The following VILL variants were observed in gnomAD, a reference collection of about 807,000 sequenced individuals.
The protein encoded by VILL is villin like, also known as villin-like protein.
VILL carries 102 observed loss-of-function variants against 106.3 expected under a neutral mutation model. That is an observed-to-expected ratio of 0.96 (90% CI 0.82 to 1.13). The LOEUF is 1.13. VILL is among the 50% of genes most tolerant of loss of function. The pLI, the probability that VILL is intolerant of heterozygous loss-of-function variation, is 0.00. For missense variants in VILL, 1,076 were observed against 1,116.6 expected (o/e 0.96, Z 0.52); for synonymous variants, 431 against 440.3 (o/e 0.98, Z 0.27).
In VILL at chr3:37,993,711, C is replaced by A; in HGVS notation, c.39C>A (p.Gly13=). The change falls in exon 2 of 20, where the codon GGC becomes GGA. Residue 13 remains glycine (G), a synonymous_variant. Coordinates refer to ENST00000383759, the MANE Select transcript of VILL (RefSeq NM_015873.4). The part of the protein sequence containing the change: ...ISKGLPGMQG[G]LHIWISENRK... ...AGGGCCTCCCAGGCATGCAGGGAGG[C>A]CTCCACATATGGATCTCTGAGGTGA... 5.6e-6 allele frequency: 9 copies of A among 1,614,126 alleles called. No homozygotes were observed. Among genetic ancestry groups the A allele is most frequent in the Non-Finnish European group, 6.8e-6 (8 of 1,179,996 alleles).
Position 37,998,829 on chromosome 3 carries a change from G to C in VILL, c.943-83G>C, listed in dbSNP as rs1215841465. 1 of 1,516,922 alleles carries C rather than the reference G, an allele frequency of 6.6e-7. No homozygotes were observed. Among genetic ancestry groups the C allele is most frequent in the Admixed American group, 2.1e-5 (1 of 48,516 alleles). The allele number at this position is 1,516,922 out of a possible 1,614,324, so 94.0% of individuals were successfully genotyped here. The stretch of plus-strand genomic sequence containing the variant: ...AATTAACGCTTCTTGGAGCTCGGCT[G>C]TCCCAGAGCGGTAGGTCCCCAGGAG... On this transcript the variant is annotated intron_variant, in intron 9 of 19. Transcript: ENST00000383759. The surrounding 1 kb of genome is among the most constrained non-coding windows in gnomAD (Gnocchi z 4.1).
upstream of VILL, among the ~76,000 whole-genome samples, chr3:37,990,117 G>A (rs1699591595): frequency 2.0e-5 from 3 of 152,210 alleles, no homozygotes; most frequent in Non-Finnish European, 2.9e-5. The surrounding 1 kb of genome is among the most constrained non-coding windows in gnomAD (Gnocchi z 5.1). Flanking sequence ...GTTTCTGGAA[G>A]GCTCTGTTTG....
rs759662615 is a variant in VILL at position 37,997,236 on chromosome 3, T to C, written c.561+49T>C. ...GGGAGTACGGGGCTTGGGCGGGGAA[T>C]GATCCTCCAGTTGACCATCCTCCGG... On this transcript the variant is annotated intron_variant, in intron 6 of 19. Coordinates refer to ENST00000383759, the MANE Select transcript of VILL (RefSeq NM_015873.4). The surrounding 1 kb of genome is among the most constrained non-coding windows in gnomAD (Gnocchi z 4.7). 2.0e-5 allele frequency: 31 copies of C among 1,581,530 alleles called. No individual in the cohort carries two copies. Among genetic ancestry groups the C allele is most frequent in the Non-Finnish European group, 1.7e-6 (2 of 1,151,780 alleles).
At position 37,999,047 on chromosome 3, in the gene VILL, A is replaced by C. The variant is rs748905788; in HGVS notation, c.1078A>C (p.Arg360=). The C allele has an allele frequency of 1.2e-6, 1 of 813,358 alleles. No homozygotes were observed. Among genetic ancestry groups the C allele is most frequent in the South Asian group, 2.0e-5 (1 of 49,308 alleles). 50.4% of individuals were successfully genotyped at this position (813,358 alleles called of 1,614,324 possible). A position where few individuals can be genotyped will look rare whatever the true frequency, so the allele number is the denominator to read the frequency against. Residue 360 remains arginine (R), a synonymous_variant, in exon 10 of 20, where the codon AGG becomes CGG. Coordinates refer to ENST00000383759, the MANE Select transcript of VILL (RefSeq NM_015873.4). ...GCGCAGGAACCAGAAGCTCGGCGGG[A>C]GGGGTGAGCGGGCGGGGCGGGGCTG... ...KRRRNQKLGG[R]DKSIHVKLDV...
rs201921801 is a variant in VILL at position 38,002,575 on chromosome 3, G to C, written c.1659G>C (p.Lys553Asn). ...TASVCYLWFGKGCNGDQREMA... is the reference protein window; with the variant it reads ...TASVCYLWFGNGCNGDQREMA... ...GCGTCTGCTACCTCTGGTTTGGGAA[G>C]GTACCCACAGCACTGACCACTTGAT... The change falls in exon 14 of 20, where the codon AAG becomes AAC. Residue 553 changes from lysine (K) to asparagine (N), a missense_variant and splice_region_variant. Physicochemically the swap from Lys to Asn is moderately conservative, Grantham distance 94. Coordinates refer to ENST00000383759, the MANE Select transcript of VILL (RefSeq NM_015873.4). The C allele has an allele frequency of 6.2e-7, 1 of 1,612,298 alleles. No individual in the cohort carries two copies. Among genetic ancestry groups the C allele is most frequent in the Non-Finnish European group, 8.5e-7 (1 of 1,178,944 alleles).
intron 16 of VILL, among the ~76,000 whole-genome samples, chr3:38,004,724 G>A (rs927256023): frequency 3.3e-5 from 5 of 152,186 alleles, no homozygotes; most frequent in East Asian, 1.9e-4. Flanking sequence ...AGCATGTGTC[G>A]GTGCTGCATG....
rs750064258 is a variant in VILL at position 37,998,343 on chromosome 3, G to C, written c.921G>C (p.Lys307Asn). Residue 307 changes from lysine to asparagine, a missense_variant, in exon 9 of 20, where the codon AAG becomes AAC. Coordinates refer to ENST00000383759, the MANE Select transcript of VILL (RefSeq NM_015873.4). This position sits in a 1 kb window ranked among gnomAD's most constrained non-coding sequence, Gnocchi z 4.1. Reference protein sequence around the residue: ...QGRMSSLQERKAAFSRAVGFI... With the variant: ...QGRMSSLQERNAAFSRAVGFI... ...GCATGTCTAGCCTCCAGGAGAGAAA[G>C]GCTGCCTTCAGCCGGGCTGTGGTGA... is the stretch of plus-strand genomic sequence containing the variant. 41 of 1,614,050 alleles carry C rather than the reference G, an allele frequency of 2.5e-5. No homozygotes were observed. Among genetic ancestry groups the C allele is most frequent in the Non-Finnish European group, 3.3e-5 (39 of 1,180,016 alleles).
chr3:38,000,952 TG>T (rs770594341), intron 11 of VILL: 5 of 457,164 alleles, frequency 1.1e-5, no homozygotes, highest in Non-Finnish European at 2.2e-5. Context: ...AGAGTCCGCC[TG>T]GCTCCAGGCT....
intron 11 of VILL, chr3:38,001,069 G>T: frequency 2.1e-6 from 1 of 480,554 alleles, no homozygotes. Flanking sequence ...GGATAAAAGG[G>T]AATTCATTCA....
rs1227361133 is a variant in VILL, at chr3:38,006,586, CA to C, written c.2344del (p.Ser782AlafsTer20). On this transcript the variant is annotated frameshift_variant, in exon 19 of 20. Coordinates refer to ENST00000383759, the MANE Select transcript of VILL (RefSeq NM_015873.4). LOFTEE classifies it high-confidence loss of function. ...GCCCCAAGTCGGCTGGCAGCAGAAC[CA>C]GCAGCTCCGTCAGCAGCACCAGCGC... is the stretch of plus-strand genomic sequence containing the variant. ...RSPKSAGSRTSSSVSSTSATI... is the reference protein window; with the variant it reads ...RSPKSAGSRTXSSVSSTSATI... 6.2e-7 allele frequency: 1 copy of C among 1,614,012 alleles called. No homozygotes were observed. The highest frequency in any genetic ancestry group is 1.3e-5 in the African/African-American group (1 of 74,946).
At chr3:38,006,156 A>G in intron 17 of VILL, 25 bp from the exon 18 acceptor site, 1 of 1,614,048 alleles carries the variant, frequency 6.2e-7, no homozygotes, top group South Asian at 1.1e-5. Flanking sequence ...CCTGGCCCTG[A>G]TACTTGCCCC....
Position 37,994,266 on chromosome 3 carries a change from C to G in VILL, c.141C>G (p.Pro47=). The stretch of plus-strand genomic sequence containing the variant: ...CACAAACACCCGGACCCTAGGTCCC[C>G]CAGAGCCCGAAGGCCACGCAGGGGG... ...EEHCYVILHV[P]QSPKATQGAS... Residue 47 remains proline (P), a synonymous_variant, in exon 4 of 20, where the codon CCC becomes CCG. Coordinates refer to ENST00000383759, the MANE Select transcript of VILL (RefSeq NM_015873.4). 6.2e-7 allele frequency: 1 copy of G among 1,607,444 alleles called. No homozygotes were observed. The highest frequency in any genetic ancestry group is 8.5e-7 in the Non-Finnish European group (1 of 1,178,882).
rs138349730 is a variant in VILL at position 38,006,507 on chromosome 3, C to G, written c.2264C>G (p.Ala755Gly). The stretch of plus-strand genomic sequence containing the variant: ...GGCAATGGCAGGGCAGGTGCCGTGG[C>G]CCTGCAGGCCCTCAAGGGCTCCCAG... ...WPGNGRAGAV[A>G]LQALKGSQDS... The change falls in exon 19 of 20, where the codon GCC (alanine) becomes GGC (glycine). Residue 755 changes from alanine to glycine, a missense_variant. Coordinates refer to ENST00000383759, the MANE Select transcript of VILL (RefSeq NM_015873.4). 122 of 1,611,024 alleles carry G rather than the reference C, an allele frequency of 7.6e-5. No individual in the cohort carries two copies. The African/African-American group carries it at 1.3e-3, about 17-fold the overall frequency.
At chr3:38,001,409 G>T in intron 11 of VILL, 47 bp from the exon 12 acceptor site, 1 of 1,604,778 alleles carries the variant, frequency 6.2e-7, no homozygotes, top group East Asian at 2.2e-5. Flanking sequence ...GGGTGGGCTG[G>T]TTCAGGAAGA....
upstream of VILL, among the ~76,000 whole-genome samples, chr3:37,990,140 C>T (rs1016817440): frequency 1.3e-5 from 2 of 152,190 alleles, no homozygotes; most frequent in Non-Finnish European, 2.9e-5. This position sits in a 1 kb window ranked among gnomAD's most constrained non-coding sequence, Gnocchi z 5.1. Flanking sequence ...GCCCCTCCAC[C>T]CCACAGTGAG....
chr3:38,006,499 TGCCGTG>T lies in VILL; in HGVS notation c.2260_2265del (p.Val754_Ala755del). 1 of 1,609,428 alleles carries T rather than the reference TGCCGTG, an allele frequency of 6.2e-7. No homozygotes were observed. The highest frequency in any genetic ancestry group is 1.1e-5 in the South Asian group (1 of 90,888). The stretch of plus-strand genomic sequence containing the variant: ...GATGGCCGGGCAATGGCAGGGCAGG[TGCCGTG>T]GCCCTGCAGGCCCTCAAGGGCTCCC... On this transcript the variant is annotated inframe_deletion, in exon 19 of 20. Transcript: ENST00000383759.
Position 37,993,910 on chromosome 3 carries a change from G to A in VILL, c.73G>A (p.Val25Met). Reference protein sequence around the residue: ...HIWISENRKMVPVPEGAYGNF... With the variant: ...HIWISENRKMMPVPEGAYGNF... ...TCTCCTCTCCCAGAACCGGAAGATG[G>A]TGCCGGTACCCGAGGGGGCTTACGG... is the stretch of plus-strand genomic sequence containing the variant. Residue 25 changes from valine to methionine, a missense_variant, in exon 3 of 20, where the codon GTG becomes ATG. Coordinates refer to ENST00000383759, the MANE Select transcript of VILL (RefSeq NM_015873.4). The A allele has an allele frequency of 6.2e-7, 1 of 1,614,206 alleles. No individual in the cohort carries two copies. Among genetic ancestry groups the A allele is most frequent in the Non-Finnish European group, 8.5e-7 (1 of 1,180,028 alleles).
intron 5 of VILL, among the ~76,000 whole-genome samples, chr3:37,996,348 C>A (rs985968599): frequency 6.6e-6 from 1 of 152,168 alleles, no homozygotes; most frequent in Admixed American, 6.5e-5. Flanking sequence ...CACTGTTATC[C>A]CCGGGTGCTC....
Position 37,997,897 on chromosome 3 carries a change from G to T in VILL, c.765-193G>T, listed in dbSNP as rs995042845. Among the ~76,000 whole-genome samples, 1 of 152,188 alleles carries T rather than the reference G, an allele frequency of 6.6e-6. No homozygotes were observed. Among genetic ancestry groups the T allele is most frequent in the Non-Finnish European group, 1.5e-5 (1 of 68,020 alleles). ...CTATTGTACATACAGGGGGACTGTG[G>T]CGCCCTGCCAGGGCCAGGGAGCTGC... On this transcript the variant is annotated intron_variant, in intron 7 of 19. Transcript: ENST00000383759. The surrounding 1 kb of genome is among the most constrained non-coding windows in gnomAD (Gnocchi z 4.7).
Sources: allele counts gnomAD v4.1 joint callset (sites outside exome capture counted in the v4.1 genomes callset), GRCh38; gene constraint gnomAD v4.1.1; non-coding constraint Gnocchi (gnomAD v3.1); transcripts MANE v1.5; gene names NCBI Gene and HGNC (gene_info 2026-07-23, HGNC 2026-07-21).